Variants in ARID2 observed in about 807,000 individuals in gnomAD.
The protein encoded by ARID2 is AT-rich interaction domain 2, also known as AT-rich interactive domain-containing protein 2.
ARID2 carries 32 observed loss-of-function variants against 184.6 expected under a neutral mutation model. The ratio of observed to expected loss-of-function variants is 0.17; its 90% confidence interval spans 0.13 to 0.23. The LOEUF (loss-of-function observed/expected upper bound fraction) is 0.23. Among genes scored for constraint, ARID2 ranks in the 10% least tolerant of loss-of-function variants. ARID2 has a pLI of 1.00. For synonymous variants in ARID2, 836 were observed against 772.6 expected, an observed-to-expected ratio of 1.08 and a Z score of -1.36; for missense variants, 1,696 against 2,197.6, an observed-to-expected ratio of 0.77 and a Z score of 4.56.
chr12:45,754,257 G>A (rs920480073), intron 3 of ARID2, among the ~76,000 whole-genome samples: 3 of 152,180 alleles, frequency 2.0e-5, no homozygotes, highest in Admixed American at 1.3e-4. Context: ...TTCTTCAGTG[G>A]CTCTCTATTG....
At chr12:45,781,947 C>T (rs756098130) in intron 3 of ARID2, among the ~76,000 whole-genome samples, 1 of 152,032 alleles carries the variant, frequency 6.6e-6, no homozygotes, top group Non-Finnish European at 1.5e-5. Flanking sequence ...TGTGGGAGAA[C>T]AATTCTAGTA....
rs1348051174 is a variant in ARID2, at chr12:45,837,403, T to A, written c.1106T>A (p.Phe369Tyr). ...AAATGTCTAATGTCAAGGGATAGAT[T>A]TTTAAAGATGAGAGGTGAGTTTTCA... ...VTKCLMSRDR[F>Y]LKMRGMEILG... is the part of the protein sequence containing the mutation. The change falls in exon 9 of 21, where the codon TTT becomes TAT. Residue 369 changes from phenylalanine (F) to tyrosine (Y), a missense_variant. Around this residue, in one of 11 missense-constraint regions of ARID2, gnomAD observed 86 missense variants for 200.8 expected, o/e 0.43. Transcript: ENST00000334344. 1 of 1,611,940 alleles carries A rather than the reference T, an allele frequency of 6.2e-7. No individual in the cohort carries two copies. The highest frequency in any genetic ancestry group is 1.1e-5 in the South Asian group (1 of 90,628).
intron 3 of ARID2, 109 bp downstream of exon 3, chr12:45,731,423 CTTG>C (rs1401991113): frequency 6.9e-6 from 5 of 724,724 alleles, no homozygotes; most frequent in Non-Finnish European, 1.2e-5. Context: ...TTCTTAAGCT[CTTG>C]TTCATTTCAG....
chr12:45,825,941 A>G (rs1429766637), intron 6 of ARID2, among the ~76,000 whole-genome samples: 2 of 152,014 alleles, frequency 1.3e-5, no homozygotes, highest in African/African-American at 4.8e-5. Context: ...TAGATTTTAG[A>G]TGTTTAAATA....
chr12:45,902,149 T>A (rs1944468491), intron 20 of ARID2, among the ~76,000 whole-genome samples: 1 of 152,232 alleles, frequency 6.6e-6, no homozygotes, highest in Non-Finnish European at 1.5e-5. Context: ...ATATTTATTC[T>A]TTGTTAAATC....
intron 18 of ARID2, 129 bp from the exon 19 acceptor site, chr12:45,893,291 C>G: frequency 8.8e-7 from 1 of 1,140,302 alleles, no homozygotes; most frequent in Non-Finnish European, 1.2e-6. Context: ...GACCATTGGA[C>G]CTTTAGTCAC....
intron 4 of ARID2, among the ~76,000 whole-genome samples, chr12:45,813,244 T>C (rs550775047): frequency 3.7e-4 from 57 of 152,216 alleles, no homozygotes; most frequent in Non-Finnish European, 6.6e-4. Context: ...AACATCAGAT[T>C]ACAGAATATC....
At chr12:45,856,115 C>T (rs1280058008) in intron 15 of ARID2, among the ~76,000 whole-genome samples, 1 of 117,862 alleles carries the variant, frequency 8.5e-6, no homozygotes, top group African/African-American at 3.3e-5. Flanking sequence ...CGCTCTGTTG[C>T]GTAGGCTGGA....
intron 4 of ARID2, among the ~76,000 whole-genome samples, chr12:45,814,125 A>G (rs1038901678): frequency 1.3e-5 from 2 of 152,166 alleles, no homozygotes; most frequent in African/African-American, 4.8e-5. Flanking sequence ...TTTATTAGCT[A>G]TATTTGAGTA....
chr12:45,758,762 C>T (rs1592058618), intron 3 of ARID2, among the ~76,000 whole-genome samples: 1 of 152,230 alleles, frequency 6.6e-6, no homozygotes, highest in South Asian at 2.1e-4. Context: ...TTCCAGCTAG[C>T]AGGGCAGAGT....
intron 3 of ARID2, among the ~76,000 whole-genome samples, chr12:45,769,580 G>A (rs116219071): frequency 7.6e-4 from 116 of 152,248 alleles, no homozygotes; most frequent in African/African-American, 2.6e-3. Context: ...TACACATAAT[G>A]GTAGGACCAG....
chr12:45,829,547 T>C (rs894642110), intron 6 of ARID2, among the ~76,000 whole-genome samples: 7 of 151,944 alleles, frequency 4.6e-5, no homozygotes, highest in Admixed American at 1.3e-4. Flanking sequence ...TCAATGAAGA[T>C]ATTTTATTGA....
intron 20 of ARID2, among the ~76,000 whole-genome samples, chr12:45,901,851 G>T (rs1005392281): frequency 2.0e-5 from 3 of 152,016 alleles, no homozygotes; most frequent in African/African-American, 7.2e-5. Flanking sequence ...TTTCTGTAAG[G>T]TGGGGGGTGG....
intron 3 of ARID2, among the ~76,000 whole-genome samples, chr12:45,776,563 ATTGT>A (rs1250685513): frequency 6.6e-6 from 1 of 152,194 alleles, no homozygotes; most frequent in African/African-American, 2.4e-5. Context: ...TGGGAGTATG[ATTGT>A]TTGGTACTGA....
chr12:45,814,582 G>A (rs1170020668), intron 4 of ARID2, among the ~76,000 whole-genome samples: 6 of 152,022 alleles, frequency 3.9e-5, no homozygotes, highest in Non-Finnish European at 8.8e-5. Context: ...CCCAGGAGGC[G>A]GAGGTTATAG....
At chr12:45,809,224 G>T (rs1005027061) in intron 3 of ARID2, among the ~76,000 whole-genome samples, 1 of 152,104 alleles carries the variant, frequency 6.6e-6, no homozygotes, top group Non-Finnish European at 1.5e-5. Context: ...ATTCCACAAT[G>T]AGTTCAAACA....
chr12:45,850,108 T>G lies in ARID2; in HGVS notation c.1985T>G (p.Leu662Arg). The G allele has an allele frequency of 6.2e-7, 1 of 1,614,106 alleles. No homozygotes were observed. The highest frequency in any genetic ancestry group is 8.5e-7 in the Non-Finnish European group (1 of 1,179,982). The change falls in exon 15 of 21, where the codon CTG becomes CGG. Residue 662 changes from leucine to arginine, a missense_variant. Around this residue, in one of 11 missense-constraint regions of ARID2, gnomAD observed 713 missense variants for 824.4 expected, o/e 0.86. Transcript: ENST00000334344. ...RTPVANQSSN[L>R]TATQMSFPVQ... ...CCTGTTGCCAACCAATCTTCAAATC[T>G]GACTGCAACACAAATGTCTTTTCCT...
At chr12:45,840,521 T>A (rs1186723866) in intron 11 of ARID2, 1 of 152,192 alleles carries the variant, frequency 6.6e-6, no homozygotes, top group Non-Finnish European at 1.5e-5. Context: ...TCTTTTTATT[T>A]ACTCACTTTT....
Position 45,880,172 on chromosome 12 carries a change from G to A in ARID2, c.4923-11608G>A, listed in dbSNP as rs141029864. On this transcript the variant is annotated intron_variant, in intron 16 of 20. Transcript: ENST00000334344. ...ATCTATTGCTCCTCATATATTTCTC[G>A]TTAAAAACTGCTACAGAAAGATGAA... Among the ~76,000 whole-genome samples, 684 of 152,230 alleles carry A rather than the reference G, an allele frequency of 4.5e-3. 5 individuals are homozygous for A. Among genetic ancestry groups the A allele is most frequent in the African/African-American group, 0.014 (597 of 41,530 alleles).
Sources: allele counts gnomAD v4.1 joint callset (sites outside exome capture counted in the v4.1 genomes callset), GRCh38; gene constraint gnomAD v4.1.1; regional missense constraint gnomAD v4.1.1; transcripts MANE v1.5; gene names NCBI Gene and HGNC (gene_info 2026-07-23, HGNC 2026-07-21).